EHMT1: variants seen among roughly 807,000 people sequenced by gnomAD.
The protein encoded by EHMT1 is euchromatic histone lysine methyltransferase 1, also known as histone-lysine N-methyltransferase EHMT1.
Under a neutral mutation model 147.2 loss-of-function variants are expected in EHMT1, and 15 were observed. The observed-to-expected ratio is 0.10, with a 90% CI of 0.07 to 0.16. The LOEUF (loss-of-function observed/expected upper bound fraction) is 0.16. Among genes scored for constraint, EHMT1 ranks in the 10% least tolerant of loss-of-function variants. EHMT1 has a pLI of 1.00. For missense variants in EHMT1, 1,587 were observed against 1,772.4 expected, an observed-to-expected ratio of 0.90 and a Z score of 1.88; for synonymous variants, 795 against 709.6, an observed-to-expected ratio of 1.12 and a Z score of -1.91.
In EHMT1 at chr9:137,776,589, A is replaced by G. The variant is rs1304737889; in HGVS notation, c.1792-29A>G. 3 of 1,612,328 alleles carry G rather than the reference A, an allele frequency of 1.9e-6. No individual in the cohort carries two copies. Among genetic ancestry groups the G allele is most frequent in the Admixed American group, 1.7e-5 (1 of 59,788 alleles). ...CTAAATATTAACCCCAATTAAAACAAAAATTTTTTTTTGTCCTCCCATTTT... is the reference window on the plus strand; with the variant it reads ...CTAAATATTAACCCCAATTAAAACAGAAATTTTTTTTTGTCCTCCCATTTT... On this transcript the variant is annotated intron_variant, in intron 11 of 26. Transcript: ENST00000460843. The surrounding 1 kb of genome is among the most constrained non-coding windows in gnomAD (Gnocchi z 4.4).
At chr9:137,739,848 C>G (rs1368839650) in intron 4 of EHMT1, among the ~76,000 whole-genome samples, 1 of 152,146 alleles carries the variant, frequency 6.6e-6, no homozygotes, top group Non-Finnish European at 1.5e-5. Flanking sequence ...GGCCTGGGGT[C>G]TCTGTGTGGA....
chr9:137,768,357 T>G (rs900030749), intron 10 of EHMT1, among the ~76,000 whole-genome samples: 1 of 145,322 alleles, frequency 6.9e-6, no homozygotes, highest in Admixed American at 6.9e-5. Context: ...GTTTTTTTTT[T>G]TTTTTTTTTT....
chr9:137,625,983 G>A (rs1191649872), intron 1 of EHMT1, among the ~76,000 whole-genome samples: 20 of 150,208 alleles, frequency 1.3e-4, no homozygotes, highest in Non-Finnish European at 3.0e-4. Flanking sequence ...AGCCTCTCGA[G>A]TAGCTGGAAT....
At chr9:137,818,354 C>T (rs1296873559) in intron 25 of EHMT1, among the ~76,000 whole-genome samples, 2 of 152,208 alleles carry the variant, frequency 1.3e-5, no homozygotes, top group Non-Finnish European at 2.9e-5. Context: ...GTCCCTGAGC[C>T]TGTGCAGCCA....
At chr9:137,811,780 CT>C (rs1044391638) in intron 19 of EHMT1, among the ~76,000 whole-genome samples, 165 bp downstream of exon 19, 10 of 152,322 alleles carry the variant, frequency 6.6e-5, no homozygotes, top group African/African-American at 2.2e-4. Flanking sequence ...AGAGAAGTGT[CT>C]TTCCCAGTCC....
At chr9:137,724,847 TGGCAGACGTGTGGCATTCGTGG>T (rs1329006321) in intron 3 of EHMT1, among the ~76,000 whole-genome samples, 106 of 149,770 alleles carry the variant, frequency 7.1e-4, no homozygotes, top group African/African-American at 2.2e-3. Flanking sequence ...GGCATTCGTG[TGGCAGACGTGTGGCATTCGTGG>T]GGCAGACGTG....
At chr9:137,665,258 C>T (rs1939507151) in intron 1 of EHMT1, among the ~76,000 whole-genome samples, 1 of 152,142 alleles carries the variant, frequency 6.6e-6, no homozygotes, top group South Asian at 2.1e-4. Flanking sequence ...ACAACTTGGT[C>T]TTGATTGGAG....
intron 1 of EHMT1, among the ~76,000 whole-genome samples, chr9:137,682,516 C>G (rs1942051506): frequency 6.6e-6 from 1 of 152,182 alleles, no homozygotes; most frequent in African/African-American, 2.4e-5. Context: ...TCCCTGGCGG[C>G]CAGAGTTGCA....
chr9:137,772,734 G>A (rs1053367539), intron 10 of EHMT1, among the ~76,000 whole-genome samples: 7 of 152,210 alleles, frequency 4.6e-5, no homozygotes, highest in African/African-American at 7.2e-5. Context: ...TTCAGGATCC[G>A]GTCAGCAGTC....
Position 137,828,118 on chromosome 9 carries a change from A to G in EHMT1, c.3541-6231A>G, listed in dbSNP as rs985502886. On this transcript the variant is annotated intron_variant, in intron 25 of 26. Transcript: ENST00000460843. The surrounding 1 kb of genome is among the most constrained non-coding windows in gnomAD (Gnocchi z 5.3). ...AGGCCATGGGCAAGGTTGATGGCCCATGGGGGCGGCCCCTTTGTCTCTTGG... is the reference window on the plus strand; with the variant it reads ...AGGCCATGGGCAAGGTTGATGGCCCGTGGGGGCGGCCCCTTTGTCTCTTGG... 3.9e-5 allele frequency among the ~76,000 whole-genome samples: 6 copies of G among 152,120 alleles called. No individual in the cohort carries two copies. Among genetic ancestry groups the G allele is most frequent in the Non-Finnish European group, 5.9e-5 (4 of 68,002 alleles).
intron 4 of EHMT1, among the ~76,000 whole-genome samples, chr9:137,733,500 G>A (rs7040194): frequency 0.023 from 3,478 of 152,296 alleles, 150 homozygotes; most frequent in African/African-American, 0.078. Flanking sequence ...CTGAAGGTTT[G>A]CAACTTCTAG....
chr9:137,759,183 C>G (rs927541668), intron 9 of EHMT1, among the ~76,000 whole-genome samples: 1 of 152,070 alleles, frequency 6.6e-6, no homozygotes, highest in African/African-American at 2.4e-5. Flanking sequence ...AAATCTTAGC[C>G]TAGTCCGTCA....
At chr9:137,757,002 G>C (rs3125793) in intron 8 of EHMT1, among the ~76,000 whole-genome samples, 21,409 of 152,174 alleles carry the variant, frequency 0.14, 3,533 homozygotes, top group African/African-American at 0.4. Context: ...TAAGATTGGT[G>C]ACTAGTCCCT....
Position 137,776,003 on chromosome 9 carries a change from C to T in EHMT1, c.1792-615C>T, listed in dbSNP as rs574756125. 4.6e-5 allele frequency among the ~76,000 whole-genome samples: 7 copies of T among 152,246 alleles called. No individual in the cohort carries two copies. The highest frequency in any genetic ancestry group is 1.7e-4 in the African/African-American group (7 of 41,538). On this transcript the variant is annotated intron_variant, in intron 11 of 26. Transcript: ENST00000460843. The surrounding 1 kb of genome is among the most constrained non-coding windows in gnomAD (Gnocchi z 4.4). ...TGTGAGCTTCAGGCACCCAGAGATG[C>T]CCTGCTGCCCCTTTACGAACATGGG... is the stretch of plus-strand genomic sequence containing the variant.
intron 1 of EHMT1, among the ~76,000 whole-genome samples, chr9:137,661,903 A>G (rs766463306): frequency 6.6e-5 from 10 of 152,096 alleles, no homozygotes; most frequent in Non-Finnish European, 1.3e-4. Context: ...CCTGAGTTCA[A>G]GTGATTCTGC....
Position 137,728,460 on chromosome 9 carries a change from C to G in EHMT1, c.754C>G (p.Pro252Ala), listed in dbSNP as rs1946819597. The G allele has an allele frequency of 1.9e-6, 3 of 1,613,910 alleles. No homozygotes were observed. The highest frequency in any genetic ancestry group is 1.7e-6 in the Non-Finnish European group (2 of 1,179,952). ...SDFGRQQLLP[P>A]FPSLHQSLPQ... Reference sequence around the variant, plus strand: ...CTTTGGACGACAGCAGCTTTTACCCCCCTTCCCATCCCTTCATCAGTCGCT... The same window carrying G: ...CTTTGGACGACAGCAGCTTTTACCCGCCTTCCCATCCCTTCATCAGTCGCT... Residue 252 changes from proline to alanine, a missense_variant, in exon 4 of 27, where the codon CCC (proline) becomes GCC (alanine). Pro to Ala is a conservative substitution (Grantham distance 27, BLOSUM62 -1). Transcript: ENST00000460843.
chr9:137,830,627 G>A (rs533162967), intron 25 of EHMT1, among the ~76,000 whole-genome samples: 1 of 150,508 alleles, frequency 6.6e-6, no homozygotes, highest in South Asian at 2.1e-4. Context: ...TGGCATCTGC[G>A]CTTCTTTGCA....
At chr9:137,710,505 A>T (rs971887111) in intron 1 of EHMT1, among the ~76,000 whole-genome samples, 2 of 152,220 alleles carry the variant, frequency 1.3e-5, no homozygotes, top group African/African-American at 4.8e-5. Context: ...TGTATAATAC[A>T]TACCTCTATA....
intron 1 of EHMT1, among the ~76,000 whole-genome samples, chr9:137,673,833 G>C (rs1940946253): frequency 6.6e-6 from 1 of 152,214 alleles, no homozygotes; most frequent in Non-Finnish European, 1.5e-5. Context: ...AATATAGTAA[G>C]ATTAAAAAAC....
Sources: allele counts gnomAD v4.1 joint callset (sites outside exome capture counted in the v4.1 genomes callset), GRCh38; gene constraint gnomAD v4.1.1; non-coding constraint Gnocchi (gnomAD v3.1); transcripts MANE v1.5; gene names NCBI Gene and HGNC (gene_info 2026-07-23, HGNC 2026-07-21).